Variants in ABCC11 observed in about 807,000 individuals in gnomAD.
ABCC11 encodes ATP-binding cassette sub-family C member 11.
A neutral mutation model predicts 149.3 loss-of-function variants in ABCC11; 135 were observed. The ratio of observed to expected loss-of-function variants is 0.90; its 90% CI spans 0.79 to 1.04. The LOEUF (loss-of-function observed/expected upper bound fraction) is 1.04. Ranked by LOEUF, ABCC11 falls within the 50% of genes least tolerant of loss-of-function variation. The pLI is 0.00. For synonymous variants in ABCC11, 665 were observed against 671.4 expected, an observed-to-expected ratio of 0.99 and a Z score of 0.15; for missense variants, 1,680 against 1,722.1, an observed-to-expected ratio of 0.98 and a Z score of 0.43.
chr16:48,209,112 T>C (rs946504210), intron 11 of ABCC11, among the ~76,000 whole-genome samples: 7 of 152,172 alleles, frequency 4.6e-5, no homozygotes, highest in Admixed American at 2.0e-4. Context: ...GAGGCAATTT[T>C]AGATGGGTCA....
intron 1 of ABCC11, among the ~76,000 whole-genome samples, chr16:48,240,485 G>T (rs2150939372): frequency 6.6e-6 from 1 of 152,148 alleles, no homozygotes; most frequent in South Asian, 2.1e-4. Context: ...GAGAACACAT[G>T]GTCACATGGC....
At chr16:48,212,771 G>A (rs948545332) in intron 10 of ABCC11, among the ~76,000 whole-genome samples, 4 of 152,194 alleles carry the variant, frequency 2.6e-5, no homozygotes, top group African/African-American at 7.2e-5. Context: ...ATAATAGGTC[G>A]TGGACTGCAT....
rs180864695 is a variant in ABCC11 at position 48,199,848 on chromosome 16, A to G, written c.2082+428T>C. On this transcript the variant is annotated intron_variant, in intron 15 of 29. Transcript: ENST00000356608. ...CCACAACACCTGGCTAATTTTTTTA[A>G]ATTTTTGTAGAGATGGGAGGTCTCT... Among the ~76,000 whole-genome samples, 103 of 150,356 alleles carry G rather than the reference A, an allele frequency of 6.9e-4. No individual in the cohort carries two copies. In the East Asian group the frequency reaches 0.014, roughly 20 times the overall value.
chr16:48,211,830 G>A (rs1968954290), intron 10 of ABCC11, among the ~76,000 whole-genome samples: 1 of 152,192 alleles, frequency 6.6e-6, no homozygotes, highest in Non-Finnish European at 1.5e-5. Flanking sequence ...TGTCTATAAA[G>A]CACAAGGGTT....
intron 6 of ABCC11, 24 bp from the exon 7 acceptor site, chr16:48,216,311 C>T: frequency 1.0e-5 from 16 of 1,605,816 alleles, no homozygotes; most frequent in Non-Finnish European, 1.2e-5. Context: ...AGTTGATGGG[C>T]ACAGATGTCA....
At chr16:48,211,327 G>T in intron 10 of ABCC11, 128 bp from the exon 11 acceptor site, 1 of 1,196,204 alleles carries the variant, frequency 8.4e-7, no homozygotes, top group Non-Finnish European at 1.2e-6. Context: ...GTAAAAGTTT[G>T]CAGAAGTACC....
Position 48,180,843 on chromosome 16 carries a change from G to A in ABCC11, c.3259-2157C>T, listed in dbSNP as rs530966897. Among the ~76,000 whole-genome samples the A allele has an allele frequency of 2.2e-4, 33 of 152,314 alleles. 1 individual carries two copies. In the South Asian group the frequency reaches 6.8e-3, roughly 32 times the overall value. On this transcript the variant is annotated intron_variant, in intron 23 of 29. Coordinates refer to ENST00000356608, the MANE Select transcript of ABCC11 (RefSeq NM_001370497.1). ...TGTGGAAGGTGACTTGGAAAGTACT[G>A]AAGGACTGGGAACTGAGACGTTATT...
rs763157863 is a variant in ABCC11, at chr16:48,210,929, G to A, written c.1608+19C>T. 3.9e-5 allele frequency: 63 copies of A among 1,609,654 alleles called. No individual in the cohort carries two copies. Among genetic ancestry groups the A allele is most frequent in the Non-Finnish European group, 5.0e-5 (59 of 1,176,486 alleles). The stretch of plus-strand genomic sequence containing the variant: ...AGAGCCTGGCAGCTGGCCTGCCTGC[G>A]TGGCCTGAACAAGGCTACCTTGGAC... On this transcript the variant is annotated intron_variant, in intron 11 of 29. Coordinates refer to ENST00000356608, the MANE Select transcript of ABCC11 (RefSeq NM_001370497.1).
rs1209027336 is a variant in ABCC11, at chr16:48,216,167, C to G, written c.898G>C (p.Gly300Arg). ...AAGATGGCAATAAATGCAGTGTATCCAATAATGAAGTAGGAAGAAATGCTG... is the reference window on the plus strand; with the variant it reads ...AAGATGGCAATAAATGCAGTGTATCGAATAATGAAGTAGGAAGAAATGCTG... ...ICSISSYFII[G>R]YTAFIAILCY... is the part of the protein sequence containing the mutation. The change falls in exon 7 of 30, where the codon GGA becomes CGA. Residue 300 changes from glycine to arginine, a missense_variant. Transcript: ENST00000356608. The G allele has an allele frequency of 3.7e-6, 6 of 1,613,968 alleles. No individual in the cohort carries two copies. In the African/African-American group the frequency reaches 8.0e-5, roughly 22 times the overall value.
chr16:48,171,682 T>C (rs57912486), intron 26 of ABCC11, among the ~76,000 whole-genome samples: 30,415 of 152,168 alleles, frequency 0.2, 3,435 homozygotes, highest in African/African-American at 0.29. Context: ...TTCATCATCC[T>C]GCTGGGCATG....
intron 5 of ABCC11, 72 bp from the exon 6 acceptor site, chr16:48,222,903 A>G: frequency 7.5e-7 from 1 of 1,326,084 alleles, no homozygotes; most frequent in Non-Finnish European, 1.1e-6. Context: ...TTGCTGGAAG[A>G]AGGGTTGGGA....
intron 1 of ABCC11, chr16:48,232,307 C>G (rs997230942): frequency 2.8e-5 from 5 of 178,132 alleles, no homozygotes; most frequent in Non-Finnish European, 3.6e-5. Context: ...ATTATTTGTT[C>G]AGACTTCATT....
intron 2 of ABCC11, 121 bp from the exon 3 acceptor site, chr16:48,230,694 G>A: frequency 8.6e-7 from 1 of 1,161,172 alleles, no homozygotes; most frequent in Non-Finnish European, 1.2e-6. Flanking sequence ...CTAAAGAAAG[G>A]CTTCCATACC....
chr16:48,183,972 C>T (rs1401979492), intron 23 of ABCC11, among the ~76,000 whole-genome samples: 1 of 152,178 alleles, frequency 6.6e-6, no homozygotes, highest in African/African-American at 2.4e-5. Context: ...GCTGTGAAAC[C>T]CACCTTTTAA....
rs757653095 is a variant in ABCC11 at position 48,167,466 on chromosome 16, C to T, written c.4056+30G>A. 5 of 1,612,964 alleles carry T rather than the reference C, an allele frequency of 3.1e-6. No homozygotes were observed. The Admixed American group carries it at 5.0e-5, about 16-fold the overall frequency. ...TGGGGTAGCAGCCTGAGCCCTCATC[C>T]TCCCACCAGCCCAAGGACGCAGCCT... On this transcript the variant is annotated intron_variant, in intron 29 of 29. Transcript: ENST00000356608.
At position 48,187,020 on chromosome 16, in the gene ABCC11, T is replaced by A. The variant is rs765445951; in HGVS notation, c.3004A>T (p.Ile1002Phe). 6.2e-6 allele frequency: 10 copies of A among 1,614,012 alleles called. No individual in the cohort carries two copies. The highest frequency in any genetic ancestry group is 1.6e-4 in the Middle Eastern group (1 of 6,084). ...CTCAGGCCTTGCAGAGAATTGAGGA[T>A]GTGGGAGAATAAAGGAGACCGGCTA... ...NYSRSPLFSHILNSLQGLSSI... is the reference protein window; with the variant it reads ...NYSRSPLFSHFLNSLQGLSSI... Residue 1002 changes from isoleucine to phenylalanine, a missense_variant, in exon 22 of 30, where the codon ATC becomes TTC. Coordinates refer to ENST00000356608, the MANE Select transcript of ABCC11 (RefSeq NM_001370497.1).
chr16:48,192,374 G>A (rs1325019953), intron 20 of ABCC11, 146 bp downstream of exon 20: 4 of 861,794 alleles, frequency 4.6e-6, no homozygotes, highest in East Asian at 5.3e-5. Context: ...AGCCTGGAAG[G>A]TGGAGGTTGC....
intron 14 of ABCC11, among the ~76,000 whole-genome samples, chr16:48,201,133 T>C (rs1030997167): frequency 2.0e-5 from 3 of 152,270 alleles, no homozygotes; most frequent in Non-Finnish European, 4.4e-5. Flanking sequence ...TATATGACTT[T>C]TAAAAAATTG....
chr16:48,240,375 G>A (rs1314150286), intron 1 of ABCC11, among the ~76,000 whole-genome samples: 1 of 152,140 alleles, frequency 6.6e-6, no homozygotes, highest in Non-Finnish European at 1.5e-5. Flanking sequence ...TCCATTGCAG[G>A]GACATGGATG....
Sources: gnomAD v4.1 joint callset for allele counts (sites outside exome capture counted in the v4.1 genomes callset) on GRCh38, gnomAD v4.1.1 for gene constraint, MANE v1.5 for transcripts, NCBI Gene and HGNC (gene_info 2026-07-23, HGNC 2026-07-21) for gene names.